GALNT13: variants seen among roughly 807,000 people sequenced by gnomAD.
GALNT13 encodes polypeptide N-acetylgalactosaminyltransferase 13.
GALNT13 carries 28 observed loss-of-function variants against 64.2 expected under a neutral mutation model. That is an observed-to-expected ratio of 0.44 (90% CI 0.32 to 0.60). The LOEUF (loss-of-function observed/expected upper bound fraction) is 0.60, where lower values mean the gene tolerates loss of function less well. GALNT13 is among the 20% of genes least tolerant of loss of function. GALNT13 has a pLI of 0.05. For synonymous variants in GALNT13, 214 were observed against 224.6 expected, an observed-to-expected ratio of 0.95 and a Z score of 0.42; for missense variants, 577 against 669.8, an observed-to-expected ratio of 0.86 and a Z score of 1.53.
chr2:154,444,710 A>G (rs1701476244), intron 12 of GALNT13, among the ~76,000 whole-genome samples: 2 of 152,108 alleles, frequency 1.3e-5, no homozygotes, highest in South Asian at 4.1e-4. Flanking sequence ...GATATTTGCC[A>G]TGTGTTATTA....
the GALNT13 span, among the ~76,000 whole-genome samples, chr2:153,595,513 A>T: frequency 1.3e-5 from 2 of 152,004 alleles, no homozygotes; most frequent in Non-Finnish European, 2.9e-5. Context: ...TTAAATCTTT[A>T]TATTGATTCC....
At chr2:153,808,578 C>T in the GALNT13 span, among the ~76,000 whole-genome samples, 1 of 152,088 alleles carries the variant, frequency 6.6e-6, no homozygotes, top group Admixed American at 6.5e-5. Context: ...TGACTTCAGT[C>T]TCTGTTGTTG....
the GALNT13 span, among the ~76,000 whole-genome samples, chr2:153,815,587 T>C: frequency 4.6e-5 from 7 of 152,348 alleles, no homozygotes; most frequent in African/African-American, 1.7e-4. Context: ...TACTTTTAGA[T>C]TGTAGCTGTA....
At chr2:153,774,625 A>G in the GALNT13 span, among the ~76,000 whole-genome samples, 1 of 152,162 alleles carries the variant, frequency 6.6e-6, no homozygotes, top group African/African-American at 2.4e-5. Context: ...ACTGGGCATG[A>G]TGGCTCACAC....
chr2:153,857,556 A>G, the GALNT13 span, among the ~76,000 whole-genome samples: 124,145 of 151,628 alleles, frequency 0.82, 52,047 homozygotes, highest in Non-Finnish European at 0.9. Context: ...TTCTGCTTTA[A>G]CCACTTAGAT....
the GALNT13 span, among the ~76,000 whole-genome samples, chr2:153,345,981 T>C: frequency 6.6e-5 from 10 of 152,012 alleles, no homozygotes; most frequent in Admixed American, 2.0e-4. Flanking sequence ...TTTGTTTGTA[T>C]GTTTGTTTTT....
the GALNT13 span, among the ~76,000 whole-genome samples, chr2:153,511,730 G>C: frequency 6.6e-6 from 1 of 152,224 alleles, no homozygotes; most frequent in Non-Finnish European, 1.5e-5. Flanking sequence ...TTTGCCAAGT[G>C]AGTACTATAA....
At chr2:154,232,959 G>A (rs1245687152) in intron 4 of GALNT13, among the ~76,000 whole-genome samples, 8 of 148,828 alleles carry the variant, frequency 5.4e-5, no homozygotes, top group African/African-American at 1.7e-4. Flanking sequence ...AAGGATGCTT[G>A]AGCCCAGGAG....
At chr2:153,818,523 A>G in the GALNT13 span, among the ~76,000 whole-genome samples, 1 of 152,150 alleles carries the variant, frequency 6.6e-6, no homozygotes, top group Non-Finnish European at 1.5e-5. Context: ...CCCCAGCTGC[A>G]CCTTGCCAGG....
chr2:153,247,529 T>G, the GALNT13 span, among the ~76,000 whole-genome samples: 1 of 151,714 alleles, frequency 6.6e-6, no homozygotes, highest in African/African-American at 2.4e-5. Flanking sequence ...ATATTTCCAC[T>G]GAATGATAAA....
chr2:154,297,081 CAGAG>C (rs1331435846), intron 8 of GALNT13, among the ~76,000 whole-genome samples: 1 of 152,140 alleles, frequency 6.6e-6, no homozygotes, highest in Non-Finnish European at 1.5e-5. Context: ...TGTTTTTTGA[CAGAG>C]AGGGAGAATA....
chr2:153,960,840 T>A (rs142346056), intron 3 of GALNT13, among the ~76,000 whole-genome samples: 487 of 152,276 alleles, frequency 3.2e-3, no homozygotes, highest in Middle Eastern at 6.8e-3. Context: ...ATTTTAGTAT[T>A]TATTTAAATA....
chr2:153,473,041 G>T, the GALNT13 span, among the ~76,000 whole-genome samples: 1 of 152,010 alleles, frequency 6.6e-6, no homozygotes, highest in Non-Finnish European at 1.5e-5. Flanking sequence ...TCGGCGGGTG[G>T]GGGGCTAGGG....
At chr2:153,942,155 C>A (rs1218091220) in intron 2 of GALNT13, among the ~76,000 whole-genome samples, 1 of 151,834 alleles carries the variant, frequency 6.6e-6, no homozygotes, top group Non-Finnish European at 1.5e-5. Context: ...TTTTTAAATT[C>A]TTTATCTTGA....
chr2:153,087,328 A>C, the GALNT13 span, among the ~76,000 whole-genome samples: 1 of 152,146 alleles, frequency 6.6e-6, no homozygotes, highest in East Asian at 1.9e-4. Flanking sequence ...CTCGTATGAA[A>C]CCCACTTGAT....
intron 2 of GALNT13, among the ~76,000 whole-genome samples, chr2:153,911,148 C>G (rs1486861524): frequency 2.6e-5 from 4 of 152,068 alleles, no homozygotes; most frequent in Non-Finnish European, 4.4e-5. Context: ...GTCTTGTCAA[C>G]CTGAATCCTT....
the GALNT13 span, among the ~76,000 whole-genome samples, chr2:153,245,229 C>G: frequency 1.3e-5 from 2 of 152,362 alleles, no homozygotes; most frequent in African/African-American, 4.8e-5. Context: ...CCTGGTAGCT[C>G]TGAAGAGAGC....
the GALNT13 span, among the ~76,000 whole-genome samples, chr2:153,495,634 G>GA: frequency 3.9e-5 from 6 of 152,142 alleles, no homozygotes; most frequent in Non-Finnish European, 5.9e-5. Flanking sequence ...AATGCTGATT[G>GA]AAAAAATTCA....
intron 1 of GALNT13, among the ~76,000 whole-genome samples, chr2:153,890,812 T>C (rs1356222164): frequency 2.6e-5 from 4 of 152,018 alleles, no homozygotes; most frequent in African/African-American, 4.8e-5. Flanking sequence ...CCTTGCCGTT[T>C]AGAGCTGTTA....
Sources: gnomAD v4.1 joint callset for allele counts (sites outside exome capture counted in the v4.1 genomes callset) on GRCh38, gnomAD v4.1.1 for gene constraint, MANE v1.5 for transcripts, NCBI Gene and HGNC (gene_info 2026-07-23, HGNC 2026-07-21) for gene names.